Variants in AURKB observed in about 807,000 individuals in gnomAD.
The protein encoded by AURKB is aurora kinase B-Sv1.
In AURKB, 28 loss-of-function variants were observed where a neutral mutation model predicts 36.5. The ratio of observed to expected loss-of-function variants is 0.77; its 90% confidence interval spans 0.57 to 1.05. The LOEUF is 1.05. Ranked by LOEUF, AURKB falls within the 50% of genes least tolerant of loss-of-function variation. The pLI is 0.00. For missense variants in AURKB, 383 were observed against 447.4 expected (o/e 0.86, Z 1.30); for synonymous variants, 175 against 172.9 (o/e 1.01, Z -0.09).
chr17:8,206,511 A>C lies in AURKB; in HGVS notation c.666T>G (p.Ser222=). The change falls in exon 7 of 9, where the codon TCT becomes TCG. Residue 222 remains serine (S), a synonymous_variant. Coordinates refer to ENST00000585124, the MANE Select transcript of AURKB (RefSeq NM_004217.4). The surrounding 1 kb of genome is among the most constrained non-coding windows in gnomAD (Gnocchi z 4.2). ...CATACCTCAGGGAGGGCGCATGCAC[A>C]GACCAGCCGAAGTCAGCAATCTTCA... ...GELKIADFGW[S]VHAPSLRRKT... The C allele has an allele frequency of 6.2e-7, 1 of 1,614,218 alleles. No individual in the cohort carries two copies. Among genetic ancestry groups the C allele is most frequent in the South Asian group, 1.1e-5 (1 of 91,084 alleles).
At chr17:8,205,109 C>A in intron 8 of AURKB, 65 bp from the exon 9 acceptor site, 6 of 1,547,286 alleles carry the variant, frequency 3.9e-6, no homozygotes, top group South Asian at 1.2e-5. Context: ...CCTTGACTAC[C>A]CATTCTGTTT....
At position 8,206,624 on chromosome 17, in the gene AURKB, C is replaced by T. The variant is rs993921967; in HGVS notation, c.553G>A (p.Ala185Thr). 2 of 1,614,192 alleles carry T rather than the reference C, an allele frequency of 1.2e-6. No individual in the cohort carries two copies. The highest frequency in any genetic ancestry group is 1.7e-6 in the Non-Finnish European group (2 of 1,180,036). ...CCATGGCAGTACATTAGAGCATCTGCCAACTCCTCCATGATCTGGGAGGGG... is the reference window on the plus strand; with the variant it reads ...CCATGGCAGTACATTAGAGCATCTGTCAACTCCTCCATGATCTGGGAGGGG... Reference protein sequence around the residue: ...QRTATIMEELADALMYCHGKK... With the variant: ...QRTATIMEELTDALMYCHGKK... The change falls in exon 7 of 9, where the codon GCA (alanine) becomes ACA (threonine). Residue 185 changes from alanine (A) to threonine (T), a missense_variant. Transcript: ENST00000585124. The surrounding 1 kb of genome is among the most constrained non-coding windows in gnomAD (Gnocchi z 4.2).
In AURKB at chr17:8,206,098, G is replaced by A. The variant is rs114123260; in HGVS notation, c.686+393C>T. Among the ~76,000 whole-genome samples the A allele has an allele frequency of 0.011, 1,668 of 150,556 alleles. 27 individuals are homozygous for A. The highest frequency in any genetic ancestry group is 0.038 in the African/African-American group (1,555 of 40,974). ...TGGCCCCTACAGGGATCAAACCTGC[G>A]ACCTTGGGGTTATTAGCACCACACT... On this transcript the variant is annotated intron_variant, in intron 7 of 8. Transcript: ENST00000585124. This position sits in a 1 kb window ranked among gnomAD's most constrained non-coding sequence, Gnocchi z 4.2.
rs1191252566 is a variant in AURKB, at chr17:8,205,199, C to T, written c.861+17G>A. The T allele has an allele frequency of 6.2e-7, 1 of 1,603,646 alleles. No individual in the cohort carries two copies. Among genetic ancestry groups the T allele is most frequent in the East Asian group, 2.2e-5 (1 of 44,626 alleles). ...CTGGCTTCAGCAGCTGGCACGAAGCCCAGGCCGCCCTCCCACCTTGACGAT... is the reference window on the plus strand; with the variant it reads ...CTGGCTTCAGCAGCTGGCACGAAGCTCAGGCCGCCCTCCCACCTTGACGAT... On this transcript the variant is annotated intron_variant, in intron 8 of 8. Coordinates refer to ENST00000585124, the MANE Select transcript of AURKB (RefSeq NM_004217.4).
chr17:8,210,136 G>T, intron 2 of AURKB, 41 bp downstream of exon 2: 1 of 1,610,522 alleles, frequency 6.2e-7, no homozygotes, highest in Non-Finnish European at 8.5e-7. Context: ...AACTCGCCAT[G>T]CGGGGTCATG....
chr17:8,208,798 C>T (rs528293354), intron 2 of AURKB, among the ~76,000 whole-genome samples: 2 of 152,172 alleles, frequency 1.3e-5, no homozygotes, highest in East Asian at 3.9e-4. Flanking sequence ...CTCACTTACA[C>T]CACAGTAGAG....
chr17:8,210,127 A>T (rs533194853), intron 2 of AURKB, 50 bp downstream of exon 2: 6 of 1,604,276 alleles, frequency 3.7e-6, no homozygotes, highest in Middle Eastern at 1.7e-4. Context: ...CCCAGCAGGA[A>T]CTCGCCATGC....
At position 8,207,723 on chromosome 17, in the gene AURKB, C is replaced by T. The variant is rs2151474756; in HGVS notation, c.151+15G>A. The T allele has an allele frequency of 3.1e-6, 5 of 1,614,054 alleles. No homozygotes were observed. Among genetic ancestry groups the T allele is most frequent in the Non-Finnish European group, 4.2e-6 (5 of 1,179,912 alleles). ...CATCTCCCCAGCTCAGTCCTCTCCC[C>T]CTTGCGCCAGTTACCTGTGGGCTGG... On this transcript the variant is annotated intron_variant, in intron 3 of 8. Coordinates refer to ENST00000585124, the MANE Select transcript of AURKB (RefSeq NM_004217.4).
intron 7 of AURKB, 57 bp from the exon 8 acceptor site, chr17:8,205,447 C>A: frequency 6.3e-7 from 1 of 1,576,960 alleles, no homozygotes; most frequent in Non-Finnish European, 8.6e-7. Flanking sequence ...CTCTCCTTTC[C>A]CTGCTGCCTG....
At chr17:8,209,974 G>T in intron 2 of AURKB, 1 of 656,216 alleles carries the variant, frequency 1.5e-6, no homozygotes, top group Non-Finnish European at 2.7e-6. Context: ...TCACTGGCTG[G>T]TCAGATTCAC....
In AURKB at chr17:8,207,798, T is replaced by C; in HGVS notation, c.91A>G (p.Lys31Glu). The C allele has an allele frequency of 6.2e-7, 1 of 1,613,984 alleles. No homozygotes were observed. Among genetic ancestry groups the C allele is most frequent in the Non-Finnish European group, 8.5e-7 (1 of 1,179,986 alleles). Residue 31 changes from lysine (K) to glutamate (E), a missense_variant, in exon 3 of 9, where the codon AAA becomes GAA. Around this residue, in one of 3 missense-constraint regions of AURKB, gnomAD observed 105 missense variants for 95.7 expected, o/e 1.10. Transcript: ENST00000585124. ...LSTLPQRVLR[K>E]EPVTPSALVL... is the part of the protein sequence containing the mutation. ...AGTGCAGATGGGGTGACAGGCTCTTTCCGGAGGACTCGCTGGGGCAGGGTG... is the reference window on the plus strand; with the variant it reads ...AGTGCAGATGGGGTGACAGGCTCTTCCCGGAGGACTCGCTGGGGCAGGGTG...
Position 8,210,159 on chromosome 17 carries a change from C to T in AURKB, c.48+18G>A, listed in dbSNP as rs760100090. ...ATGCGGGGTCATGGGGGCGCAGGGACGGAGGGAAGGGCCTTACCGTCTGTC... is the reference window on the plus strand; with the variant it reads ...ATGCGGGGTCATGGGGGCGCAGGGATGGAGGGAAGGGCCTTACCGTCTGTC... On this transcript the variant is annotated intron_variant, in intron 2 of 8. Transcript: ENST00000585124. 3 of 1,612,632 alleles carry T rather than the reference C, an allele frequency of 1.9e-6. No individual in the cohort carries two copies. The highest frequency in any genetic ancestry group is 1.3e-5 in the African/African-American group (1 of 74,992).
At position 8,207,575 on chromosome 17, in the gene AURKB, A is replaced by G; in HGVS notation, c.202T>C (p.Leu68=). 1 of 1,613,206 alleles carries G rather than the reference A, an allele frequency of 6.2e-7. No individual in the cohort carries two copies. The highest frequency in any genetic ancestry group is 8.5e-7 in the Non-Finnish European group (1 of 1,179,422). The change falls in exon 4 of 9, where the codon TTA becomes CTA. Residue 68 remains leucine, a synonymous_variant. Coordinates refer to ENST00000585124, the MANE Select transcript of AURKB (RefSeq NM_004217.4). ...CCCCAGGCTTGGGGCACTTACGTTA[A>G]GATGTCGGGTGTCCCACTGCTATTC... ...MENSSGTPDI[L]TRHFTIDDFE...
At position 8,207,564 on chromosome 17, in the gene AURKB, C is replaced by G. The variant is rs753740941; in HGVS notation, c.206+7G>C. On this transcript the variant is annotated splice_region_variant and intron_variant, in intron 4 of 8. Coordinates refer to ENST00000585124, the MANE Select transcript of AURKB (RefSeq NM_004217.4). ...CCCCCGTCCACCCCCAGGCTTGGGG[C>G]ACTTACGTTAAGATGTCGGGTGTCC... 1 of 1,612,904 alleles carries G rather than the reference C, an allele frequency of 6.2e-7. No homozygotes were observed. The highest frequency in any genetic ancestry group is 1.1e-5 in the South Asian group (1 of 90,956).
chr17:8,206,661 A>G lies in AURKB; in HGVS notation c.538-22T>C. ...TGATCTGGGAGGGGCAACGACAGGCAATCAGACAAGGATGGACCTCCAGCT... is the reference window on the plus strand; with the variant it reads ...TGATCTGGGAGGGGCAACGACAGGCGATCAGACAAGGATGGACCTCCAGCT... On this transcript the variant is annotated intron_variant, in intron 6 of 8. Transcript: ENST00000585124. This position sits in a 1 kb window ranked among gnomAD's most constrained non-coding sequence, Gnocchi z 4.2. 6.2e-7 allele frequency: 1 copy of G among 1,614,138 alleles called. No individual in the cohort carries two copies. The highest frequency in any genetic ancestry group is 8.5e-7 in the Non-Finnish European group (1 of 1,180,032).
rs752317012 is a variant in AURKB at position 8,205,036 on chromosome 17, T to C, written c.870A>G (p.Leu290=). ...CCATGGGCACGGAAGCGGGGAACTT[T>C]AGGTCCACCTGCAGGTGTGAAGAGA... ...ETYRRIVKVD[L]KFPASVPMGA... Residue 290 remains leucine (L), a synonymous_variant, in exon 9 of 9, where the codon CTA becomes CTG. Coordinates refer to ENST00000585124, the MANE Select transcript of AURKB (RefSeq NM_004217.4). The C allele has an allele frequency of 1.3e-6, 2 of 1,584,990 alleles. No individual in the cohort carries two copies. The highest frequency in any genetic ancestry group is 8.6e-7 in the Non-Finnish European group (1 of 1,168,538).
intron 2 of AURKB, among the ~76,000 whole-genome samples, chr17:8,208,632 A>ATAAATAAATAAAT (rs1555529387): frequency 2.2e-5 from 3 of 137,922 alleles, no homozygotes; most frequent in Admixed American, 7.1e-5. Context: ...AAATAAATAA[A>ATAAATAAATAAAT]AAATAAATAA....
In AURKB at chr17:8,210,160, G is replaced by T. The variant is rs367570464; in HGVS notation, c.48+17C>A. The T allele has an allele frequency of 6.2e-7, 1 of 1,612,814 alleles. No individual in the cohort carries two copies. The highest frequency in any genetic ancestry group is 8.5e-7 in the Non-Finnish European group (1 of 1,179,664). The stretch of plus-strand genomic sequence containing the variant: ...TGCGGGGTCATGGGGGCGCAGGGAC[G>T]GAGGGAAGGGCCTTACCGTCTGTCG... On this transcript the variant is annotated intron_variant, in intron 2 of 8. Coordinates refer to ENST00000585124, the MANE Select transcript of AURKB (RefSeq NM_004217.4).
Position 8,205,297 on chromosome 17 carries a change from T to C in AURKB, c.780A>G (p.Gly260=). ...HNEKVDLWCI[G]VLCYELLVGN... ...CCACCAGCAGCTCATAGCAAAGCAC[T>C]CCAATGCACCACAGATCCACCTTCT... The change falls in exon 8 of 9, where the codon GGA becomes GGG. Residue 260 remains glycine, a synonymous_variant. Coordinates refer to ENST00000585124, the MANE Select transcript of AURKB (RefSeq NM_004217.4). The C allele has an allele frequency of 1.9e-6, 3 of 1,614,146 alleles. No homozygotes were observed. The highest frequency in any genetic ancestry group is 2.5e-6 in the Non-Finnish European group (3 of 1,180,016).
Sources: gnomAD v4.1 joint callset for allele counts (sites outside exome capture counted in the v4.1 genomes callset) on GRCh38, gnomAD v4.1.1 for gene constraint, gnomAD v4.1.1 regional missense constraint, Gnocchi (gnomAD v3.1) non-coding constraint, MANE v1.5 for transcripts, NCBI Gene and HGNC (gene_info 2026-07-23, HGNC 2026-07-21) for gene names.